ZMYM2: variants seen among roughly 807,000 people sequenced by gnomAD.
ZMYM2 encodes the protein zinc finger MYM-type containing 2.
A neutral mutation model predicts 162.8 loss-of-function variants in ZMYM2; 56 were observed. The observed-to-expected ratio is 0.34, with a 90% CI of 0.28 to 0.43. The LOEUF (loss-of-function observed/expected upper bound fraction) is 0.43. Among genes scored for constraint, ZMYM2 ranks in the 20% least tolerant of loss-of-function variants. ZMYM2 has a pLI of 1.00. For missense variants in ZMYM2, 1,275 were observed against 1,621.8 expected (o/e 0.79, Z 3.67); for synonymous variants, 510 against 541.6 (o/e 0.94, Z 0.81).
intron 2 of ZMYM2, among the ~76,000 whole-genome samples, chr13:19,984,158 T>C (rs1363259981): frequency 6.6e-6 from 1 of 152,234 alleles, no homozygotes; most frequent in Non-Finnish European, 1.5e-5. Flanking sequence ...GATTTTGTTT[T>C]TTGAAGGTTC....
intron 2 of ZMYM2, among the ~76,000 whole-genome samples, chr13:19,966,069 G>A (rs1189114163): frequency 9.9e-5 from 15 of 151,324 alleles, no homozygotes; most frequent in East Asian, 1.9e-4. Context: ...GTGAGCCACC[G>A]CACCAGGCCT....
chr13:20,010,872 A>G lies in ZMYM2; in HGVS notation c.1512+4286A>G, dbSNP rs868254475. On this transcript the variant is annotated intron_variant, in intron 6 of 24. Transcript: ENST00000610343. ...GTGAGGCTGGTCTCAAACTCCTGAC[A>G]TCGTAATCTGCCCGCCTCGGCCTCC... Among the ~76,000 whole-genome samples the G allele has an allele frequency of 5.9e-5, 9 of 152,032 alleles. No homozygotes were observed. The East Asian group carries it at 1.7e-3, about 29-fold the overall frequency.
At chr13:19,947,663 T>TGGCTAGGCTAGGCTAGGCTA in the ZMYM2 span, among the ~76,000 whole-genome samples, 3 of 148,466 alleles carry the variant, frequency 2.0e-5, no homozygotes, top group African/African-American at 5.0e-5. Context: ...TTCACCATGT[T>TGGCTAGGCTAGGCTAGGCTA]GGCTAGGCTA....
intron 6 of ZMYM2, among the ~76,000 whole-genome samples, chr13:20,017,303 C>T (rs2140134874): frequency 6.6e-6 from 1 of 152,304 alleles, no homozygotes; most frequent in African/African-American, 2.4e-5. Context: ...GGATTAGGGT[C>T]TGTGGAGTAG....
rs144400050 is a variant in ZMYM2, at chr13:20,040,534, C to T, written c.2292+3625C>T. 3.6e-3 allele frequency among the ~76,000 whole-genome samples: 548 copies of T among 151,448 alleles called. 2 individuals carry two copies. Among genetic ancestry groups the T allele is most frequent in the Middle Eastern group, 0.01 (3 of 294 alleles). ...TCTATTAATCCCGCCCACCCCTGCA[C>T]GCAAAAAAATAAAAAAACACTCCTG... On this transcript the variant is annotated intron_variant, in intron 12 of 24. Transcript: ENST00000610343.
the ZMYM2 span, among the ~76,000 whole-genome samples, chr13:19,865,268 C>T: frequency 2.0e-5 from 3 of 152,182 alleles, no homozygotes; most frequent in Non-Finnish European, 2.9e-5. Flanking sequence ...AATCTCATAA[C>T]GTTTTAAGAA....
At chr13:19,971,291 A>T (rs181713347) in intron 2 of ZMYM2, among the ~76,000 whole-genome samples, 46 of 90,330 alleles carry the variant, frequency 5.1e-4, no homozygotes, top group African/African-American at 1.8e-3. Context: ...TTTCCTTGAG[A>T]TGGAGTTTCA....
chr13:20,046,439 G>T (rs532218358), intron 12 of ZMYM2, among the ~76,000 whole-genome samples: 2 of 151,290 alleles, frequency 1.3e-5, no homozygotes, highest in African/African-American at 4.9e-5. Flanking sequence ...CTGTAGTCCT[G>T]GCTCCTTGGG....
At chr13:20,053,045 T>C (rs2140612012) in intron 14 of ZMYM2, among the ~76,000 whole-genome samples, 1 of 152,306 alleles carries the variant, frequency 6.6e-6, no homozygotes, top group South Asian at 2.1e-4. Flanking sequence ...TTTGTTAGCA[T>C]TTTAAGAGTT....
chr13:20,083,289 C>G (rs1389091952), intron 23 of ZMYM2, among the ~76,000 whole-genome samples: 1 of 152,064 alleles, frequency 6.6e-6, no homozygotes, highest in African/African-American at 2.4e-5. Flanking sequence ...CTCGAACTCC[C>G]GACCTCAGGT....
At chr13:19,924,276 CT>C in the ZMYM2 span, among the ~76,000 whole-genome samples, 1 of 152,074 alleles carries the variant, frequency 6.6e-6, no homozygotes, top group Non-Finnish European at 1.5e-5. Context: ...TAGTAGTTGT[CT>C]TTTCCGGCCA....
chr13:19,938,042 A>G, the ZMYM2 span, among the ~76,000 whole-genome samples: 2 of 152,100 alleles, frequency 1.3e-5, no homozygotes, highest in African/African-American at 2.4e-5. Flanking sequence ...TTCTTAATCC[A>G]GTCTATCGTT....
At chr13:19,870,570 C>CCTTT in the ZMYM2 span, among the ~76,000 whole-genome samples, 36 of 135,418 alleles carry the variant, frequency 2.7e-4, no homozygotes, top group African/African-American at 1.1e-3. Context: ...TTCCTTCCTT[C>CCTTT]CTTCTTTCCT....
chr13:19,874,077 G>T, the ZMYM2 span, among the ~76,000 whole-genome samples: 2 of 152,136 alleles, frequency 1.3e-5, no homozygotes, highest in Non-Finnish European at 2.9e-5. Flanking sequence ...TTGCAGCTTT[G>T]GTTGTTGCCT....
At chr13:19,875,335 AT>A in the ZMYM2 span, among the ~76,000 whole-genome samples, 1 of 152,164 alleles carries the variant, frequency 6.6e-6, no homozygotes, top group African/African-American at 2.4e-5. Context: ...GCCATAAAAA[AT>A]AATGACACTA....
At chr13:20,068,810 CA>C (rs1179717454) in intron 21 of ZMYM2, among the ~76,000 whole-genome samples, 1 of 152,038 alleles carries the variant, frequency 6.6e-6, no homozygotes, top group African/African-American at 2.4e-5. Flanking sequence ...AGCGTTGTGC[CA>C]TATCAACTCA....
At position 19,961,112 on chromosome 13, in the gene ZMYM2, A is replaced by G. The variant is rs139232188; in HGVS notation, c.-11+1086A>G. 3.5e-3 allele frequency among the ~76,000 whole-genome samples: 525 copies of G among 151,688 alleles called. 4 individuals carry two copies. Among genetic ancestry groups the G allele is most frequent in the African/African-American group, 0.012 (494 of 41,392 alleles). On this transcript the variant is annotated intron_variant, in intron 2 of 24. Transcript: ENST00000610343. ...CCTTATTGTATGCTAGCCCAATTCT[A>G]AGGTTTTTTTTTTTTTTTTAAGTTT...
At position 20,051,506 on chromosome 13, in the gene ZMYM2, A is replaced by G; in HGVS notation, c.2366A>G (p.His789Arg). The G allele has an allele frequency of 6.2e-7, 1 of 1,613,624 alleles. No individual in the cohort carries two copies. The highest frequency in any genetic ancestry group is 8.5e-7 in the Non-Finnish European group (1 of 1,179,638). Residue 789 changes from histidine to arginine, a missense_variant, in exon 13 of 25, where the codon CAT becomes CGT. Physicochemically the swap from His to Arg is conservative, Grantham distance 29. This residue lies in a region of ZMYM2 where 177 missense variants were observed against 228.0 expected (regional missense o/e 0.78). Coordinates refer to ENST00000610343, the MANE Select transcript of ZMYM2 (RefSeq NM_197968.4). ...GTTCAGTGGCGTGGGGAAATGAAAC[A>G]TTTCTGTGATCAACATTGCTTACTG... The part of the protein sequence containing the change: ...ERVQWRGEMK[H>R]FCDQHCLLRF...
the ZMYM2 span, among the ~76,000 whole-genome samples, chr13:19,943,945 T>C: frequency 6.6e-6 from 1 of 152,244 alleles, no homozygotes; most frequent in East Asian, 1.9e-4. Flanking sequence ...GTCTAGTGTG[T>C]AGGCTGTTTG....
Sources: allele counts gnomAD v4.1 joint callset (sites outside exome capture counted in the v4.1 genomes callset), GRCh38; gene constraint gnomAD v4.1.1; regional missense constraint gnomAD v4.1.1; transcripts MANE v1.5; gene names NCBI Gene and HGNC (gene_info 2026-07-23, HGNC 2026-07-21).